Variants in PCNX2 observed in about 807,000 individuals in gnomAD.
The protein encoded by PCNX2 is pecanex 2.
Under a neutral mutation model 223.8 loss-of-function variants are expected in PCNX2, and 168 were observed. That is an observed-to-expected ratio of 0.75 (90% confidence interval 0.66 to 0.85). The LOEUF (loss-of-function observed/expected upper bound fraction) is 0.85. Among genes scored for constraint, PCNX2 ranks in the 40% least tolerant of loss-of-function variants. The pLI is 0.00. For missense variants in PCNX2, 2,507 were observed against 2,675.5 expected (o/e 0.94, Z 1.39); for synonymous variants, 1,006 against 1,052.6 (o/e 0.96, Z 0.86).
chr1:233,147,356 T>A, intron 19 of PCNX2, among the ~76,000 whole-genome samples: 1 of 152,198 alleles, frequency 6.6e-6, no homozygotes, highest in Non-Finnish European at 1.5e-5. Flanking sequence ...AAGAAGATGT[T>A]ATTAAGAAAA....
intron 1 of PCNX2, among the ~76,000 whole-genome samples, chr1:233,286,774 AC>A (rs975294601): frequency 1.3e-4 from 20 of 152,118 alleles, no homozygotes; most frequent in African/African-American, 4.8e-4. Context: ...AGGCCCCCTT[AC>A]CACCGTGACA....
At chr1:233,320,373 A>G in the PCNX2 span, among the ~76,000 whole-genome samples, 13,212 of 151,080 alleles carry the variant, frequency 0.087, 613 homozygotes, top group African/African-American at 0.11. Flanking sequence ...GTGTGTGTGT[A>G]TATTTAGTTC....
At chr1:233,086,240 G>C (rs1293512987) in intron 23 of PCNX2, among the ~76,000 whole-genome samples, 1 of 152,204 alleles carries the variant, frequency 6.6e-6, no homozygotes, top group Admixed American at 6.5e-5. Flanking sequence ...GTGTGGGAAA[G>C]TGTTGTGGGA....
rs150734258 is a variant in PCNX2, at chr1:233,029,166, T to G, written c.4352-3767A>C. On this transcript the variant is annotated intron_variant, in intron 25 of 33. Transcript: ENST00000258229. The stretch of plus-strand genomic sequence containing the variant: ...TCATTATTTTTTAATTGAGCAACTT[T>G]TGGTATTTTATTTTTTATTCTCAAT... Among the ~76,000 whole-genome samples, 110 of 152,244 alleles carry G rather than the reference T, an allele frequency of 7.2e-4. 1 individual carries two copies. The highest frequency in any genetic ancestry group is 5.3e-4 in the Non-Finnish European group (36 of 68,016).
chr1:233,119,584 C>CAA (rs1300600439), intron 21 of PCNX2, among the ~76,000 whole-genome samples: 1 of 63,932 alleles, frequency 1.6e-5, no homozygotes, highest in Non-Finnish European at 3.4e-5. Context: ...GACCTTGTCT[C>CAA]AAAAAAAAAA....
At chr1:233,197,868 G>A (rs1267316508) in intron 15 of PCNX2, among the ~76,000 whole-genome samples, 2 of 152,056 alleles carry the variant, frequency 1.3e-5, no homozygotes, top group African/African-American at 4.8e-5. Context: ...AAACACTTTG[G>A]AACATATATT....
intron 22 of PCNX2, among the ~76,000 whole-genome samples, chr1:233,094,016 A>G (rs1337525777): frequency 6.6e-6 from 1 of 152,206 alleles, no homozygotes; most frequent in Non-Finnish European, 1.5e-5. Context: ...CTCAACACGA[A>G]TATAGGGCAA....
chr1:233,196,451 AT>A (rs1291549752), intron 15 of PCNX2, among the ~76,000 whole-genome samples: 2 of 152,104 alleles, frequency 1.3e-5, no homozygotes, highest in Non-Finnish European at 1.5e-5. Context: ...GAAAAAAAAA[AT>A]GTGTGTAGCA....
intron 1 of PCNX2, among the ~76,000 whole-genome samples, chr1:233,281,415 A>G (rs1338916010): frequency 1.3e-5 from 2 of 152,224 alleles, no homozygotes; most frequent in Non-Finnish European, 2.9e-5. Flanking sequence ...CTAAATGTTT[A>G]TATCAGAGAC....
chr1:233,227,450 A>G (rs1251693120), intron 9 of PCNX2, 79 bp from the exon 10 acceptor site: 9 of 1,156,538 alleles, frequency 7.8e-6, no homozygotes, highest in African/African-American at 6.2e-5. Context: ...ATATATATGT[A>G]TACACACACA....
At chr1:233,093,589 G>A (rs1252202627) in intron 22 of PCNX2, among the ~76,000 whole-genome samples, 1 of 152,106 alleles carries the variant, frequency 6.6e-6, no homozygotes, top group Non-Finnish European at 1.5e-5. Context: ...ATTCTGAACA[G>A]CATGATGTTG....
At chr1:233,256,605 C>T (rs1327138560) in intron 5 of PCNX2, among the ~76,000 whole-genome samples, 1 of 152,202 alleles carries the variant, frequency 6.6e-6, no homozygotes, top group Non-Finnish European at 1.5e-5. Context: ...ACACAACCCC[C>T]TTTTAAAGTA....
intron 8 of PCNX2, among the ~76,000 whole-genome samples, chr1:233,243,244 GC>G (rs1212394229): frequency 3.9e-5 from 6 of 152,264 alleles, no homozygotes; most frequent in Non-Finnish European, 8.8e-5. Flanking sequence ...CGGTAACAAG[GC>G]TCAACAATAG....
chr1:233,111,868 G>C (rs1675135859), intron 21 of PCNX2, among the ~76,000 whole-genome samples: 1 of 152,340 alleles, frequency 6.6e-6, no homozygotes, highest in Non-Finnish European at 1.5e-5. Flanking sequence ...TGAAACAAGT[G>C]ACTGAAGGCC....
At chr1:233,004,219 CTT>C (rs1473150904) in intron 28 of PCNX2, among the ~76,000 whole-genome samples, 1 of 151,948 alleles carries the variant, frequency 6.6e-6, no homozygotes, top group East Asian at 1.9e-4. Context: ...GTTCCACACA[CTT>C]ATGTATTTTT....
intron 21 of PCNX2, among the ~76,000 whole-genome samples, chr1:233,132,654 AAC>A (rs1219263098): frequency 2.6e-5 from 4 of 152,314 alleles, no homozygotes; most frequent in African/African-American, 7.2e-5. Context: ...TTCCTTCACA[AAC>A]ACAGTGTGTC....
At chr1:233,318,531 C>T in the PCNX2 span, among the ~76,000 whole-genome samples, 1 of 150,196 alleles carries the variant, frequency 6.7e-6, no homozygotes, top group Non-Finnish European at 1.5e-5. Flanking sequence ...ATGATTGCAT[C>T]ACTCCCCCAC....
At chr1:233,267,828 T>C (rs1660422877) in intron 1 of PCNX2, among the ~76,000 whole-genome samples, 1 of 152,222 alleles carries the variant, frequency 6.6e-6, no homozygotes, top group Non-Finnish European at 1.5e-5. Flanking sequence ...GCTCTCAACA[T>C]GGGTGTACAC....
At chr1:233,018,357 T>C (rs1670758789) in intron 26 of PCNX2, among the ~76,000 whole-genome samples, 1 of 152,174 alleles carries the variant, frequency 6.6e-6, no homozygotes, top group Non-Finnish European at 1.5e-5. Flanking sequence ...GCATTGACAA[T>C]GTGAAATTGT....
Sources: gnomAD v4.1 joint callset for allele counts (sites outside exome capture counted in the v4.1 genomes callset) on GRCh38, gnomAD v4.1.1 for gene constraint, MANE v1.5 for transcripts, NCBI Gene and HGNC (gene_info 2026-07-23, HGNC 2026-07-21) for gene names.